Variants in EPRS1 observed in about 807,000 individuals in gnomAD.
EPRS1 encodes bifunctional glutamate/proline--tRNA ligase.
Under a neutral mutation model 188.3 loss-of-function variants are expected in EPRS1, and 107 were observed. The ratio of observed to expected loss-of-function variants is 0.57; its 90% CI spans 0.49 to 0.67. The LOEUF is 0.67. EPRS1 is among the 30% of genes least tolerant of loss of function. The pLI is 0.00. For synonymous variants in EPRS1, 596 were observed against 593.1 expected, an observed-to-expected ratio of 1.00 and a Z score of -0.07; for missense variants, 1,577 against 1,802.2, an observed-to-expected ratio of 0.88 and a Z score of 2.26.
chr1:220,021,700 C>G (rs1291507355), intron 9 of EPRS1, among the ~76,000 whole-genome samples: 1 of 152,186 alleles, frequency 6.6e-6, no homozygotes, highest in Non-Finnish European at 1.5e-5. Flanking sequence ...TATATATGGA[C>G]AGACATGTCA....
rs754711740 is a variant in EPRS1 at position 220,025,180 on chromosome 1, C to G, written c.702G>C (p.Met234Ile). 6.2e-7 allele frequency: 1 copy of G among 1,612,994 alleles called. No homozygotes were observed. The highest frequency in any genetic ancestry group is 8.5e-7 in the Non-Finnish European group (1 of 1,179,136). ...YQVNFKGKLI[M>I]RFDDTNPEKE... ...TTTCAGGATTTGTGTCATCAAATCT[C>G]ATGATCAGTTTCCCTTTAAAGTTAA... Residue 234 changes from methionine to isoleucine, a missense_variant, in exon 7 of 32, where the codon ATG becomes ATC. Physicochemically the swap from Met to Ile is conservative, Grantham distance 10. Transcript: ENST00000366923.
intron 12 of EPRS1, among the ~76,000 whole-genome samples, chr1:220,011,382 G>A (rs1464372286): frequency 6.6e-6 from 1 of 151,984 alleles, no homozygotes; most frequent in African/African-American, 2.4e-5. Flanking sequence ...TTTTCCAGTG[G>A]GGTTATATCT....
chr1:220,001,645 C>T (rs529668808), intron 16 of EPRS1, among the ~76,000 whole-genome samples: 108 of 152,276 alleles, frequency 7.1e-4, no homozygotes, highest in South Asian at 5.0e-3. Flanking sequence ...CCAGTTAATG[C>T]TTTTTGAAGT....
chr1:220,005,956 C>T, intron 15 of EPRS1, 150 bp downstream of exon 15: 1 of 443,780 alleles, frequency 2.3e-6, no homozygotes, highest in Non-Finnish European at 3.9e-6. Flanking sequence ...AGGCATGAGC[C>T]ACCATGCTCG....
intron 3 of EPRS1, 33 bp downstream of exon 3, chr1:220,034,881 C>CA: frequency 1.6e-6 from 2 of 1,220,150 alleles, no homozygotes. Flanking sequence ...AAGCATAAGA[C>CA]AAAACACACA....
rs760619566 is a variant in EPRS1 at position 219,987,250 on chromosome 1, T to G, written c.2930A>C (p.Lys977Thr). 6.2e-7 allele frequency: 1 copy of G among 1,614,046 alleles called. No homozygotes were observed. The highest frequency in any genetic ancestry group is 8.5e-7 in the Non-Finnish European group (1 of 1,180,030). ...EKENKSEKQN[K>T]PQKQNDGQRK... Reference sequence around the variant, plus strand: ...TTGGCCATCATTTTGTTTCTGAGGCTTATTCTGCTTTTCAGATTTATTTTC... The same window carrying G: ...TTGGCCATCATTTTGTTTCTGAGGCGTATTCTGCTTTTCAGATTTATTTTC... The change falls in exon 20 of 32, where the codon AAG becomes ACG. Residue 977 changes from lysine to threonine, a missense_variant. This residue lies in a region of EPRS1 where 1,278 missense variants were observed against 1,457.4 expected (regional missense o/e 0.88). Transcript: ENST00000366923.
At chr1:219,985,791 A>G (rs1419589786) in intron 20 of EPRS1, among the ~76,000 whole-genome samples, 1 of 152,230 alleles carries the variant, frequency 6.6e-6, no homozygotes, top group Non-Finnish European at 1.5e-5. Context: ...ACTATTTCAG[A>G]CAATAATCAT....
chr1:220,002,289 A>G (rs953310083), intron 16 of EPRS1, among the ~76,000 whole-genome samples: 5 of 151,458 alleles, frequency 3.3e-5, no homozygotes, highest in Admixed American at 1.3e-4. Flanking sequence ...CTGAGACTGC[A>G]TCATTGCACT....
rs773701864 is a variant in EPRS1, at chr1:219,983,390, T to C, written c.3099A>G (p.Thr1033=). The C allele has an allele frequency of 1.9e-6, 3 of 1,608,266 alleles. No homozygotes were observed. Among genetic ancestry groups the C allele is most frequent in the Non-Finnish European group, 2.5e-6 (3 of 1,177,376 alleles). Residue 1033 remains threonine, a synonymous_variant, in exon 22 of 32, where the codon ACA becomes ACG. Coordinates refer to ENST00000366923, the MANE Select transcript of EPRS1 (RefSeq NM_004446.3). ...CATGGTATTCAATCATTTCTGACTT[T>C]GTGATGACCTTTTTAAAAGAAAAAT... ...NLADWYSQVI[T]KSEMIEYHDI...
At position 220,022,355 on chromosome 1, in the gene EPRS1, A is replaced by G. The variant is rs756399257; in HGVS notation, c.1107T>C (p.Asn369=). ...CKIQPHPRTG[N]KYNVYPTYDF... ...GAAGGAGATATACTTACTTGTATTT[A>G]TTTCCAGTTCTTGGATGTGGTTGAA... The change falls in exon 9 of 32, where the codon AAT becomes AAC. Residue 369 remains asparagine, a synonymous_variant. Coordinates refer to ENST00000366923, the MANE Select transcript of EPRS1 (RefSeq NM_004446.3). 1.2e-6 allele frequency: 2 copies of G among 1,612,712 alleles called. No individual in the cohort carries two copies. Among genetic ancestry groups the G allele is most frequent in the Non-Finnish European group, 1.7e-6 (2 of 1,179,378 alleles).
chr1:220,011,350 G>C (rs1405760880), intron 12 of EPRS1, among the ~76,000 whole-genome samples: 1 of 152,056 alleles, frequency 6.6e-6, no homozygotes, highest in Non-Finnish European at 1.5e-5. Flanking sequence ...TTTAAAATCT[G>C]GTATTAGAAG....
chr1:220,040,165 A>C lies in EPRS1; in HGVS notation c.131+20T>G. ...GAAAAAGCCAATCAGTACTGAAAAT[A>C]AAAAGATGAAAACACTTACTCAGAA... On this transcript the variant is annotated intron_variant, in intron 2 of 31. Transcript: ENST00000366923. The C allele has an allele frequency of 6.6e-7, 1 of 1,504,548 alleles. No homozygotes were observed. Among genetic ancestry groups the C allele is most frequent in the South Asian group, 1.2e-5 (1 of 84,230 alleles). 93.2% of individuals were successfully genotyped at this position (1,504,548 alleles called of 1,614,324 possible). A position where few individuals can be genotyped will look rare whatever the true frequency, so the allele number is the denominator to read the frequency against.
chr1:219,987,556 G>A (rs561753231), intron 19 of EPRS1, 152 bp from the exon 20 acceptor site: 6 of 632,438 alleles, frequency 9.5e-6, no homozygotes, highest in Non-Finnish European at 1.6e-5. Flanking sequence ...TTTGAGGGAG[G>A]CATATCTCAC....
chr1:219,989,653 A>C (rs966089688), intron 18 of EPRS1, among the ~76,000 whole-genome samples: 1 of 152,242 alleles, frequency 6.6e-6, no homozygotes, highest in African/African-American at 2.4e-5. Flanking sequence ...TGGGCATCAG[A>C]GGAATGCAGG....
At chr1:219,989,364 A>G (rs944779157) in intron 18 of EPRS1, among the ~76,000 whole-genome samples, 1 of 98,280 alleles carries the variant, frequency 1.0e-5, no homozygotes, top group African/African-American at 5.9e-5. Flanking sequence ...CTTCAACATA[A>G]TAATAAAAAA....
At chr1:220,011,558 T>C (rs372204897) in intron 12 of EPRS1, among the ~76,000 whole-genome samples, 1 of 152,204 alleles carries the variant, frequency 6.6e-6, no homozygotes, top group Non-Finnish European at 1.5e-5. Flanking sequence ...GGCAATTCTA[T>C]AGATTAAAAG....
rs1002607835 is a variant in EPRS1, at chr1:219,968,942, T to G, written c.4403A>C (p.Glu1468Ala). 29 of 1,614,150 alleles carry G rather than the reference T, an allele frequency of 1.8e-5. No homozygotes were observed. The highest frequency in any genetic ancestry group is 2.4e-5 in the Non-Finnish European group (28 of 1,179,992). Reference protein sequence around the residue: ...KKTTARDQDLEPGAPSMGAKS... With the variant: ...KKTTARDQDLAPGAPSMGAKS... ...AGCTCCCATGGATGGAGCACCAGGT[T>G]CAAGATCTTGATCCCTGAAATTAAT... is the stretch of plus-strand genomic sequence containing the variant. Residue 1468 changes from glutamate to alanine, a missense_variant, in exon 32 of 32, where the codon GAA becomes GCA. Transcript: ENST00000366923.
At chr1:220,043,180 A>G (rs953456180) in intron 1 of EPRS1, among the ~76,000 whole-genome samples, 1 of 152,044 alleles carries the variant, frequency 6.6e-6, no homozygotes, top group Non-Finnish European at 1.5e-5. Context: ...TAATGGAAAT[A>G]CTCTACATGA....
At chr1:219,990,227 A>G (rs1453382456) in intron 18 of EPRS1, among the ~76,000 whole-genome samples, 1 of 152,088 alleles carries the variant, frequency 6.6e-6, no homozygotes, top group African/African-American at 2.4e-5. Context: ...GATACTCTTA[A>G]TAAAGCTATG....
Sources: gnomAD v4.1 joint callset for allele counts (sites outside exome capture counted in the v4.1 genomes callset) on GRCh38, gnomAD v4.1.1 for gene constraint, gnomAD v4.1.1 regional missense constraint, MANE v1.5 for transcripts, NCBI Gene and HGNC (gene_info 2026-07-23, HGNC 2026-07-21) for gene names.